The following TGFBR2 variants were observed in gnomAD, a reference collection of about 807,000 sequenced individuals.
TGFBR2 encodes the protein TGF-beta receptor type-2.
Under a neutral mutation model 49.0 loss-of-function variants are expected in TGFBR2, and 18 were observed. The observed-to-expected ratio is 0.37, with a 90% CI of 0.25 to 0.54. The LOEUF is 0.54. TGFBR2 is among the 20% of genes least tolerant of loss of function. The probability of loss-of-function intolerance (pLI) is 0.85; values close to 1 mark genes in which losing one functional copy is unlikely to be tolerated. For synonymous variants in TGFBR2, 282 were observed against 275.9 expected (o/e 1.02, Z -0.22); for missense variants, 525 against 722.6 (o/e 0.73, Z 3.13).
At chr3:30,648,689 GC>G (rs1698822638) in intron 2 of TGFBR2, among the ~76,000 whole-genome samples, 1 of 151,996 alleles carries the variant, frequency 6.6e-6, no homozygotes, top group African/African-American at 2.4e-5. Context: ...ACTTAGCAAA[GC>G]CTTGCTCCTC....
rs563297176 is a variant in TGFBR2, at chr3:30,693,014, T to G, written c.*1415T>G. The G allele has an allele frequency of 4.3e-6, 1 of 233,196 alleles. No homozygotes were observed. Among genetic ancestry groups the G allele is most frequent in the South Asian group, 1.8e-4 (1 of 5,528 alleles). The allele number at this position is 233,196 out of a possible 1,614,324, so 14.4% of individuals were successfully genotyped here. Reference sequence around the variant, plus strand: ...AAATCTGCACCTAACCAAGGTCCCTTGTAAGAAATGTCCATTCAAGCAGTC... The same window carrying G: ...AAATCTGCACCTAACCAAGGTCCCTGGTAAGAAATGTCCATTCAAGCAGTC... On this transcript the variant is annotated 3_prime_UTR_variant, in exon 7 of 7. Coordinates refer to ENST00000295754, the MANE Select transcript of TGFBR2 (RefSeq NM_003242.6).
In TGFBR2 at chr3:30,629,631, G is replaced by A. The variant is rs149969087; in HGVS notation, c.95-15116G>A. Reference sequence around the variant, plus strand: ...AACTTAAGGAAGAGGTATGAAACTTGGCTTTGGAGGACTTAGGGATAGGAA... The same window carrying A: ...AACTTAAGGAAGAGGTATGAAACTTAGCTTTGGAGGACTTAGGGATAGGAA... On this transcript the variant is annotated intron_variant, in intron 1 of 6. Transcript: ENST00000295754. Among the ~76,000 whole-genome samples the A allele has an allele frequency of 4.1e-3, 626 of 152,280 alleles. 8 individuals are homozygous for A. Among genetic ancestry groups the A allele is most frequent in the African/African-American group, 0.014 (596 of 41,560 alleles).
chr3:30,667,566 T>G (rs1278796910), intron 3 of TGFBR2, among the ~76,000 whole-genome samples: 1 of 152,236 alleles, frequency 6.6e-6, no homozygotes, highest in East Asian at 1.9e-4. Flanking sequence ...AAAGTAAAAC[T>G]TTGGTTTCTG....
At chr3:30,636,864 A>G (rs1259133521) in intron 1 of TGFBR2, among the ~76,000 whole-genome samples, 1 of 151,994 alleles carries the variant, frequency 6.6e-6, no homozygotes, top group Non-Finnish European at 1.5e-5. Context: ...GGAGATCGAG[A>G]CCATCCTGGC....
chr3:30,681,124 T>G (rs1378002673), intron 5 of TGFBR2, among the ~76,000 whole-genome samples: 2 of 143,522 alleles, frequency 1.4e-5, no homozygotes, highest in African/African-American at 2.6e-5. Flanking sequence ...GAAGGGCTCC[T>G]TAGTGTATTG....
chr3:30,685,307 G>C (rs1224624436), intron 5 of TGFBR2, among the ~76,000 whole-genome samples: 2 of 152,114 alleles, frequency 1.3e-5, no homozygotes, highest in African/African-American at 4.8e-5. Context: ...CACAAGAAGG[G>C]GCTACATCAA....
intron 5 of TGFBR2, among the ~76,000 whole-genome samples, chr3:30,687,091 A>G (rs1451887897): frequency 2.0e-5 from 3 of 152,234 alleles, no homozygotes; most frequent in South Asian, 2.1e-4. Context: ...AAAATATGGT[A>G]TATGCACGAA....
intron 1 of TGFBR2, among the ~76,000 whole-genome samples, chr3:30,629,648 G>A (rs938179840): frequency 6.6e-6 from 1 of 152,122 alleles, no homozygotes; most frequent in African/African-American, 2.4e-5. Context: ...GAGGACTTAG[G>A]GATAGGAAAG....
chr3:30,664,070 G>C (rs182123921), intron 3 of TGFBR2, among the ~76,000 whole-genome samples: 1 of 151,796 alleles, frequency 6.6e-6, no homozygotes, highest in Non-Finnish European at 1.5e-5. Context: ...CTGCAGTCTT[G>C]AACTTCTGGG....
chr3:30,645,590 T>A (rs13079374), intron 2 of TGFBR2, among the ~76,000 whole-genome samples: 51,879 of 150,266 alleles, frequency 0.35, 9,329 homozygotes, highest in East Asian at 0.68. Context: ...GGTTCAAGCG[T>A]TTCTCTTGTC....
chr3:30,653,795 T>C (rs1698944831), intron 3 of TGFBR2, among the ~76,000 whole-genome samples: 1 of 152,234 alleles, frequency 6.6e-6, no homozygotes, highest in Non-Finnish European at 1.5e-5. Context: ...CTATTAATGA[T>C]AGTTAATATT....
In TGFBR2 at chr3:30,655,409, C is replaced by T. The variant is rs577793142; in HGVS notation, c.454+4949C>T. Among the ~76,000 whole-genome samples, 3 of 152,334 alleles carry T rather than the reference C, an allele frequency of 2.0e-5. No individual in the cohort carries two copies. The South Asian group carries it at 6.2e-4, about 32-fold the overall frequency. ...TTCATCCAGTTTCTCTTTTTCTCCA[C>T]ATGCCTTCACAGAGGCAAGGGGAGC... On this transcript the variant is annotated intron_variant, in intron 3 of 6. Transcript: ENST00000295754.
At chr3:30,644,556 G>A (rs759904585) in intron 1 of TGFBR2, among the ~76,000 whole-genome samples, 191 bp from the exon 2 acceptor site, 7 of 151,924 alleles carry the variant, frequency 4.6e-5, no homozygotes, top group Non-Finnish European at 1.0e-4. Context: ...CCTCACCACG[G>A]TACAATGGAT....
chr3:30,641,372 A>C (rs190319782), intron 1 of TGFBR2, among the ~76,000 whole-genome samples: 11 of 152,308 alleles, frequency 7.2e-5, no homozygotes, highest in Non-Finnish European at 1.3e-4. Flanking sequence ...CCTATATCAT[A>C]TAGAGGAAAA....
intron 1 of TGFBR2, among the ~76,000 whole-genome samples, chr3:30,607,812 ATT>A (rs966202100): frequency 6.5e-5 from 9 of 139,098 alleles, no homozygotes; most frequent in African/African-American, 2.3e-4. Context: ...ATATATATAT[ATT>A]ATATATATAT....
chr3:30,691,579 T>C lies in TGFBR2; in HGVS notation c.1684T>C (p.Ser562Pro). The C allele has an allele frequency of 6.2e-7, 1 of 1,613,958 alleles. No homozygotes were observed. The highest frequency in any genetic ancestry group is 8.5e-7 in the Non-Finnish European group (1 of 1,179,966). Residue 562 changes from serine to proline, a missense_variant, in exon 7 of 7, where the codon TCC (serine) becomes CCC (proline). By Grantham distance (74) the Ser-to-Pro change is moderately conservative. Coordinates refer to ENST00000295754, the MANE Select transcript of TGFBR2 (RefSeq NM_003242.6). ...GGAGGAGAAGATTCCTGAAGACGGCTCCCTAAACACTACCAAATAGCTCTT... is the reference window on the plus strand; with the variant it reads ...GGAGGAGAAGATTCCTGAAGACGGCCCCCTAAACACTACCAAATAGCTCTT... ...CSEEKIPEDG[S>P]LNTTK
intron 3 of TGFBR2, among the ~76,000 whole-genome samples, chr3:30,656,484 A>G (rs17026042): frequency 0.027 from 4,065 of 152,298 alleles, 170 homozygotes; most frequent in African/African-American, 0.093. Context: ...TGGATCAATG[A>G]AGGAGATGTT....
At chr3:30,685,272 C>T (rs1336979472) in intron 5 of TGFBR2, among the ~76,000 whole-genome samples, 1 of 151,612 alleles carries the variant, frequency 6.6e-6, no homozygotes, top group Non-Finnish European at 1.5e-5. Context: ...TCAGAATGTT[C>T]TTCCTGGTTT....
At chr3:30,678,565 A>AAAAAG (rs1559469322) in intron 5 of TGFBR2, among the ~76,000 whole-genome samples, 12 of 150,466 alleles carry the variant, frequency 8.0e-5, no homozygotes, top group African/African-American at 2.9e-4. Context: ...AAAAAAAAAA[A>AAAAAG]AAAGAGGTAT....
Sources: allele counts gnomAD v4.1 joint callset (sites outside exome capture counted in the v4.1 genomes callset), GRCh38; gene constraint gnomAD v4.1.1; transcripts MANE v1.5; gene names NCBI Gene and HGNC (gene_info 2026-07-23, HGNC 2026-07-21).